Variants in RERE observed in about 807,000 individuals in gnomAD.
RERE encodes the protein arginine-glutamic acid dipeptide repeats.
Under a neutral mutation model 146.1 loss-of-function variants are expected in RERE, and 40 were observed. The ratio of observed to expected loss-of-function variants is 0.27; its 90% CI spans 0.21 to 0.36. The LOEUF (loss-of-function observed/expected upper bound fraction) is 0.36, where lower values mean the gene tolerates loss of function less well. RERE is among the 10% of genes least tolerant of loss of function. The probability of loss-of-function intolerance (pLI) is 1.00; values close to 1 mark genes in which losing one functional copy is unlikely to be tolerated. For missense variants in RERE, 1,933 were observed against 2,138.7 expected (o/e 0.90, Z 1.90); for synonymous variants, 1,003 against 866.0 (o/e 1.16, Z -2.78).
At chr1:8,386,187 T>C (rs964473380) in intron 12 of RERE, among the ~76,000 whole-genome samples, 13 of 150,758 alleles carry the variant, frequency 8.6e-5, no homozygotes, top group Admixed American at 6.0e-4. Context: ...TAAGAAAACT[T>C]GTAGGACTAC....
chr1:8,629,768 C>T (rs1647013540), intron 2 of RERE, among the ~76,000 whole-genome samples: 1 of 152,122 alleles, frequency 6.6e-6, no homozygotes, highest in South Asian at 2.1e-4. Context: ...GCCACTGCTC[C>T]ACCTCATAAA....
intron 1 of RERE, among the ~76,000 whole-genome samples, chr1:8,693,436 C>T (rs1639252406): frequency 6.6e-6 from 1 of 152,110 alleles, no homozygotes; most frequent in South Asian, 2.1e-4. Flanking sequence ...CTATCATGCT[C>T]ACAGAGACAT....
At chr1:8,522,701 G>A (rs969637663) in intron 7 of RERE, among the ~76,000 whole-genome samples, 4 of 151,732 alleles carry the variant, frequency 2.6e-5, no homozygotes, top group African/African-American at 4.8e-5. Context: ...GTGAAACCCC[G>A]TCTCTACTAA....
intron 9 of RERE, 79 bp from the exon 10 acceptor site, chr1:8,495,241 C>T: frequency 9.6e-7 from 1 of 1,036,336 alleles, no homozygotes; most frequent in Admixed American, 1.7e-5. Flanking sequence ...TTTCAGAGGA[C>T]ATTTCCAGCC....
chr1:8,774,623 G>A (rs1365711108), intron 1 of RERE, among the ~76,000 whole-genome samples: 1 of 151,744 alleles, frequency 6.6e-6, no homozygotes, highest in Non-Finnish European at 1.5e-5. Flanking sequence ...CAAACTGCTG[G>A]GACTACAGGC....
intron 6 of RERE, among the ~76,000 whole-genome samples, chr1:8,549,556 A>C (rs1449034876): frequency 6.6e-6 from 1 of 152,232 alleles, no homozygotes; most frequent in Non-Finnish European, 1.5e-5. Flanking sequence ...AGCTTCACAA[A>C]AGTAACTTTT....
intron 8 of RERE, among the ~76,000 whole-genome samples, chr1:8,502,518 T>C (rs1423521835): frequency 2.8e-5 from 3 of 106,764 alleles, no homozygotes; most frequent in African/African-American, 8.0e-5. Context: ...TCAGGGGCGC[T>C]TCTGCCCGGC....
intron 12 of RERE, among the ~76,000 whole-genome samples, chr1:8,370,623 G>C (rs1319772750): frequency 1.3e-5 from 2 of 152,150 alleles, no homozygotes; most frequent in Non-Finnish European, 2.9e-5. Context: ...GTCTAGGATC[G>C]GAAATGGCAT....
intron 12 of RERE, among the ~76,000 whole-genome samples, chr1:8,412,786 C>T (rs148813688): frequency 1.2e-3 from 179 of 152,304 alleles, no homozygotes; most frequent in Middle Eastern, 3.4e-3. Context: ...GTCCCATTGT[C>T]CTGGGACAGT....
chr1:8,654,629 TG>T (rs1283350935), intron 2 of RERE, among the ~76,000 whole-genome samples: 6 of 143,742 alleles, frequency 4.2e-5, no homozygotes, highest in African/African-American at 1.3e-4. Flanking sequence ...GATCTTGTTT[TG>T]TTTTTTTTTG....
rs1467871720 is a variant in RERE, at chr1:8,360,770, G to A, written c.2737C>T (p.Pro913Ser). The change falls in exon 18 of 23, where the codon CCA becomes TCA. Residue 913 changes from proline to serine, a missense_variant. By Grantham distance (74) the Pro-to-Ser change is moderately conservative (BLOSUM62 -1). Transcript: ENST00000400908. ...GCTGGTGGCAGGGGCTGCTCCCGTGGAGGCTGTTGGGACTGCAGCGCTGAC... is the reference window on the plus strand; with the variant it reads ...GCTGGTGGCAGGGGCTGCTCCCGTGAAGGCTGTTGGGACTGCAGCGCTGAC... ...SQSALQSQQPPREQPLPPAPL... is the reference protein window; with the variant it reads ...SQSALQSQQPSREQPLPPAPL... 4 of 1,597,724 alleles carry A rather than the reference G, an allele frequency of 2.5e-6. No homozygotes were observed. The highest frequency in any genetic ancestry group is 3.4e-6 in the Non-Finnish European group (4 of 1,176,498).
At chr1:8,726,996 G>A (rs1056353122) in intron 1 of RERE, among the ~76,000 whole-genome samples, 4 of 151,956 alleles carry the variant, frequency 2.6e-5, no homozygotes, top group African/African-American at 9.7e-5. Flanking sequence ...AGTAGAGACG[G>A]GTTTTCACCA....
At chr1:8,809,808 G>T (rs1641758596) in intron 1 of RERE, among the ~76,000 whole-genome samples, 1 of 152,094 alleles carries the variant, frequency 6.6e-6, no homozygotes, top group Non-Finnish European at 1.5e-5. Context: ...CTAATAAAGA[G>T]AACATAATTA....
intron 11 of RERE, among the ~76,000 whole-genome samples, chr1:8,454,289 G>C (rs1191274632): frequency 6.6e-6 from 1 of 152,224 alleles, no homozygotes; most frequent in African/African-American, 2.4e-5. Context: ...ACGCACACAT[G>C]CATGTGTACA....
chr1:8,507,240 T>C (rs1227157603), intron 8 of RERE, among the ~76,000 whole-genome samples: 1 of 152,170 alleles, frequency 6.6e-6, no homozygotes, highest in African/African-American at 2.4e-5. Flanking sequence ...CGTGCCTCTG[T>C]GCTCTAGCCT....
chr1:8,365,770 A>G (rs1213527481), intron 13 of RERE, 42 bp downstream of exon 13: 1 of 1,603,848 alleles, frequency 6.2e-7, no homozygotes, highest in African/African-American at 1.3e-5. Flanking sequence ...GCCCGTGAAC[A>G]GTCTCCCCTC....
At position 8,805,007 on chromosome 1, in the gene RERE, G is replaced by GTTTTTTTTTTTTTTTTTTTT. The variant is rs1557553356; in HGVS notation, c.-145+12152_-145+12153insAAAAAAAAAAAAAAAAAAAA. 2.1e-4 allele frequency among the ~76,000 whole-genome samples: 13 copies of GTTTTTTTTTTTTTTTTTTTT among 61,362 alleles called. 4 individuals are homozygous for GTTTTTTTTTTTTTTTTTTTT. Among genetic ancestry groups the GTTTTTTTTTTTTTTTTTTTT allele is most frequent in the Admixed American group, 2.1e-4 (1 of 4,770 alleles). 40.3% of individuals were successfully genotyped at this position (61,362 alleles called of 152,430 possible). A position where few individuals can be genotyped will look rare whatever the true frequency, so the allele number is the denominator to read the frequency against. On this transcript the variant is annotated intron_variant, in intron 1 of 22. Transcript: ENST00000400908. ...ATTTTTTTTGTTTTGTTTTGTTTTT[G>GTTTTTTTTTTTTTTTTTTTT]GTTTTTTTTTTTTTTTTTTTTGAGA...
intron 1 of RERE, among the ~76,000 whole-genome samples, chr1:8,714,497 T>C (rs1219459297): frequency 6.6e-6 from 1 of 152,130 alleles, no homozygotes; most frequent in Non-Finnish European, 1.5e-5. Flanking sequence ...GAGCATAAAA[T>C]AAAGACATTT....
chr1:8,677,648 C>A (rs1570598078), intron 1 of RERE, among the ~76,000 whole-genome samples: 1 of 151,998 alleles, frequency 6.6e-6, no homozygotes, highest in Non-Finnish European at 1.5e-5. Context: ...GCTCCACTGA[C>A]AGAACATACC....
Sources: allele counts gnomAD v4.1 joint callset (sites outside exome capture counted in the v4.1 genomes callset), GRCh38; gene constraint gnomAD v4.1.1; transcripts MANE v1.5; gene names NCBI Gene and HGNC (gene_info 2026-07-23, HGNC 2026-07-21).